Variants in TRAPPC8 observed in about 807,000 individuals in gnomAD.
TRAPPC8 encodes trafficking protein particle complex subunit 8.
In TRAPPC8, 54 loss-of-function variants were observed where a neutral mutation model predicts 174.3. That is an observed-to-expected ratio of 0.31 (90% CI 0.25 to 0.39). The LOEUF (loss-of-function observed/expected upper bound fraction) is 0.39, where lower values mean the gene tolerates loss of function less well. Among genes scored for constraint, TRAPPC8 ranks in the 10% least tolerant of loss-of-function variants. The probability of loss-of-function intolerance (pLI) is 1.00; values close to 1 mark genes in which losing one functional copy is unlikely to be tolerated. For synonymous variants in TRAPPC8, 630 were observed against 579.9 expected, an observed-to-expected ratio of 1.09 and a Z score of -1.24; for missense variants, 1,531 against 1,699.1, an observed-to-expected ratio of 0.90 and a Z score of 1.74.
At chr18:31,844,328 CTA>C (rs1359275221) in intron 26 of TRAPPC8, 1 of 152,098 alleles carries the variant, frequency 6.6e-6, no homozygotes, top group African/African-American at 2.4e-5. Flanking sequence ...AAAGAAGTAA[CTA>C]TAAGTTTGGT....
chr18:31,846,787 T>C lies in TRAPPC8; in HGVS notation c.3766A>G (p.Ile1256Val), dbSNP rs745780600. The change falls in exon 26 of 29, where the codon ATT becomes GTT. Residue 1256 changes from isoleucine to valine, a missense_variant. Physicochemically the swap from Ile to Val is conservative, Grantham distance 29. Transcript: ENST00000283351. ...AYVVEDSKQL[I>V]LEGQHHVILR... ...ATAACATGATGTTGACCTTCCAAAA[T>C]AAGCTGTTTACTGTCTTCCACAACG... 4 of 1,612,792 alleles carry C rather than the reference T, an allele frequency of 2.5e-6. No homozygotes were observed. Among genetic ancestry groups the C allele is most frequent in the Non-Finnish European group, 3.4e-6 (4 of 1,179,156 alleles).
At chr18:31,867,749 C>T (rs2034656687) in intron 16 of TRAPPC8, among the ~76,000 whole-genome samples, 1 of 152,064 alleles carries the variant, frequency 6.6e-6, no homozygotes, top group African/African-American at 2.4e-5. Flanking sequence ...CCACTATCCA[C>T]ATGCCTGTAA....
intron 2 of TRAPPC8, among the ~76,000 whole-genome samples, chr18:31,922,231 T>C (rs911121541): frequency 6.6e-6 from 1 of 152,180 alleles, no homozygotes; most frequent in African/African-American, 2.4e-5. Context: ...AAAAGCAAAA[T>C]ACATACACAT....
intron 11 of TRAPPC8, among the ~76,000 whole-genome samples, chr18:31,893,796 A>T (rs1022928242): frequency 1.3e-5 from 2 of 152,124 alleles, no homozygotes; most frequent in African/African-American, 4.8e-5. Context: ...TCTTAAGTCT[A>T]TTCTTAGCAC....
intron 3 of TRAPPC8, among the ~76,000 whole-genome samples, chr18:31,916,697 T>A (rs1482594044): frequency 2.0e-5 from 3 of 152,122 alleles, no homozygotes; most frequent in Non-Finnish European, 4.4e-5. Flanking sequence ...TGCACCCAGC[T>A]AATTTTTTAT....
At chr18:31,931,890 G>GA (rs1415128483) in intron 1 of TRAPPC8, among the ~76,000 whole-genome samples, 1 of 152,122 alleles carries the variant, frequency 6.6e-6, no homozygotes, top group East Asian at 1.9e-4. Flanking sequence ...ATTAACACTA[G>GA]AAACAGTAAA....
Position 31,908,485 on chromosome 18 carries a change from T to A in TRAPPC8, c.1123-67A>T. Reference sequence around the variant, plus strand: ...AGTATTTTTCCTTTACATAAAAAAATTTTAACTAAAAAGCTTTAATAGCAA... The same window carrying A: ...AGTATTTTTCCTTTACATAAAAAAAATTTAACTAAAAAGCTTTAATAGCAA... On this transcript the variant is annotated intron_variant, in intron 7 of 28. Transcript: ENST00000283351. The A allele has an allele frequency of 2.6e-6, 3 of 1,146,242 alleles. 1 individual carries two copies. Among genetic ancestry groups the A allele is most frequent in the Non-Finnish European group, 2.4e-6 (2 of 840,296 alleles). The allele number at this position is 1,146,242 out of a possible 1,614,324, so 71.0% of individuals were successfully genotyped here.
intron 12 of TRAPPC8, among the ~76,000 whole-genome samples, chr18:31,884,530 T>G (rs573404718): frequency 1.3e-5 from 2 of 152,316 alleles, no homozygotes; most frequent in South Asian, 4.1e-4. Flanking sequence ...AAGCAGCTAT[T>G]TGAAATTACT....
Position 31,943,087 on chromosome 18 carries a change from G to T in TRAPPC8, c.-323C>A. 2.4e-6 allele frequency: 1 copy of T among 424,820 alleles called. No homozygotes were observed. The highest frequency in any genetic ancestry group is 4.0e-6 in the Non-Finnish European group (1 of 248,926). The allele number at this position is 424,820 out of a possible 1,614,324, so 26.3% of individuals were successfully genotyped here. On this transcript the variant is annotated 5_prime_UTR_variant, in exon 1 of 29. Coordinates refer to ENST00000283351, the MANE Select transcript of TRAPPC8 (RefSeq NM_014939.5). ...CCTTGGTCACTGCCCGGCCGGAACC[G>T]CCATGTTGAGGCCGAACCCTGACCA...
rs566717427 is a variant in TRAPPC8 at position 31,942,957 on chromosome 18, C to G, written c.-193G>C. 5.7e-5 allele frequency: 65 copies of G among 1,146,634 alleles called. No individual in the cohort carries two copies. Among genetic ancestry groups the G allele is most frequent in the Admixed American group, 3.0e-4 (7 of 23,582 alleles). 71.0% of individuals were successfully genotyped at this position (1,146,634 alleles called of 1,614,324 possible). ...CTGGGGCACAATCCACTGACCCCCC[C>G]CTTCCCGTCACCGCCGCTTCTCAGC... On this transcript the variant is annotated 5_prime_UTR_variant, in exon 1 of 29. Transcript: ENST00000283351.
chr18:31,872,929 G>A (rs1255671212), intron 14 of TRAPPC8, among the ~76,000 whole-genome samples: 2 of 150,136 alleles, frequency 1.3e-5, no homozygotes, highest in Admixed American at 1.3e-4. Flanking sequence ...AGTTTTTAAA[G>A]CTGGAAAGAG....
rs998377486 is a variant in TRAPPC8 at position 31,855,711 on chromosome 18, T to C, written c.3285A>G (p.Glu1095=). Residue 1095 remains glutamate, a synonymous_variant, in exon 21 of 29, where the codon GAA becomes GAG. Transcript: ENST00000283351. ...AGACTAGCATATTGCCTCCTCTGCCTTCTTCATTTTCAAGAGAATTACTTC... is the reference window on the plus strand; with the variant it reads ...AGACTAGCATATTGCCTCCTCTGCCCTCTTCATTTTCAAGAGAATTACTTC... The part of the protein sequence containing the change: ...VCRSNSLENE[E]GRGGNMLVFV... 1.2e-6 allele frequency: 2 copies of C among 1,611,254 alleles called. No homozygotes were observed. Among genetic ancestry groups the C allele is most frequent in the East Asian group, 2.2e-5 (1 of 44,798 alleles).
chr18:31,832,110 T>G lies in TRAPPC8; in HGVS notation c.4047A>C (p.Ile1349=). Residue 1349 remains isoleucine, a synonymous_variant, in exon 28 of 29, where the codon ATA becomes ATC. Transcript: ENST00000283351. ...TTGTTGTTTTATGCCGAAGATCAAC[T>G]ATGACATCTACATCAGCCTTAGAAC... The part of the protein sequence containing the change: ...SNCSKADVDV[I]VDLRHKTTSP... The G allele has an allele frequency of 6.4e-7, 1 of 1,557,518 alleles. No homozygotes were observed. The highest frequency in any genetic ancestry group is 8.6e-7 in the Non-Finnish European group (1 of 1,160,056).
chr18:31,877,045 C>T (rs1236054535), intron 12 of TRAPPC8, among the ~76,000 whole-genome samples: 1 of 152,148 alleles, frequency 6.6e-6, no homozygotes, highest in East Asian at 1.9e-4. Flanking sequence ...GGTGTGAGAC[C>T]CATGGAGATG....
At chr18:31,854,772 TC>T (rs1263718923) in intron 21 of TRAPPC8, among the ~76,000 whole-genome samples, 1 of 151,602 alleles carries the variant, frequency 6.6e-6, no homozygotes, top group African/African-American at 2.4e-5. Context: ...ATCGAGACCA[TC>T]CTGGCTAACA....
intron 26 of TRAPPC8, chr18:31,844,291 T>C (rs776823622): frequency 1.3e-5 from 2 of 152,180 alleles, no homozygotes; most frequent in Non-Finnish European, 2.9e-5. Context: ...TCAAAAGCAG[T>C]AGTTTTGCTT....
At chr18:31,893,046 A>T (rs973653342) in intron 11 of TRAPPC8, among the ~76,000 whole-genome samples, 9 of 151,376 alleles carry the variant, frequency 5.9e-5, no homozygotes, top group African/African-American at 2.2e-4. Flanking sequence ...AAAAAACAAC[A>T]TCTTGTTCCT....
chr18:31,910,087 C>CCT, intron 5 of TRAPPC8, among the ~76,000 whole-genome samples: 1 of 152,098 alleles, frequency 6.6e-6, no homozygotes, highest in South Asian at 2.1e-4. Context: ...TATGCTTATG[C>CCT]CTCTTAAGTA....
chr18:31,885,384 G>T (rs376181683), intron 12 of TRAPPC8, among the ~76,000 whole-genome samples: 1 of 152,188 alleles, frequency 6.6e-6, no homozygotes, highest in East Asian at 1.9e-4. Flanking sequence ...GAAGTCAAAC[G>T]ATCCTTTGAC....
Sources: gnomAD v4.1 joint callset for allele counts (sites outside exome capture counted in the v4.1 genomes callset) on GRCh38, gnomAD v4.1.1 for gene constraint, MANE v1.5 for transcripts, NCBI Gene and HGNC (gene_info 2026-07-23, HGNC 2026-07-21) for gene names.